MFN2: variants seen among roughly 807,000 people sequenced by gnomAD.
The protein encoded by MFN2 is mitofusin-2.
Under a neutral mutation model 87.5 loss-of-function variants are expected in MFN2, and 43 were observed. That is an observed-to-expected ratio of 0.49 (90% CI 0.38 to 0.63). The LOEUF (loss-of-function observed/expected upper bound fraction) is 0.63. Among genes scored for constraint, MFN2 ranks in the 30% least tolerant of loss-of-function variants. The pLI, the probability that MFN2 is intolerant of heterozygous loss-of-function variation, is 0.00. For synonymous variants in MFN2, 337 were observed against 359.9 expected, an observed-to-expected ratio of 0.94 and a Z score of 0.72; for missense variants, 743 against 972.8, an observed-to-expected ratio of 0.76 and a Z score of 3.14.
At chr1:12,007,777 TTTTTTTTAATTGA>T (rs1639487022) in intron 17 of MFN2, among the ~76,000 whole-genome samples, 1 of 152,148 alleles carries the variant, frequency 6.6e-6, no homozygotes, top group Non-Finnish European at 1.5e-5. Context: ...TTTCTTTCTT[TTTTTTTTAATTGA>T]TCATTCTTGG....
At chr1:12,002,202 G>C in intron 11 of MFN2, 99 bp downstream of exon 11, 1 of 1,586,548 alleles carries the variant, frequency 6.3e-7, no homozygotes, top group Non-Finnish European at 8.6e-7. Flanking sequence ...TGGCAGGGCT[G>C]AGTCTCTGGG....
chr1:11,982,073 C>T lies in MFN2; in HGVS notation c.-46C>T, dbSNP rs1206717217. The T allele has an allele frequency of 1.3e-5, 2 of 152,124 alleles. 1 individual carries two copies. The highest frequency in any genetic ancestry group is 2.9e-5 in the Non-Finnish European group (2 of 68,028). The allele number at this position is 152,124 out of a possible 1,614,324, so 9.4% of individuals were successfully genotyped here. On this transcript the variant is annotated 5_prime_UTR_variant, in exon 2 of 19. Transcript: ENST00000235329. ...TTTGTCTTTTGGACTTCAGCCATGT[C>T]CATGATGCCTACCCTGTGAAGATCT...
At position 12,007,049 on chromosome 1, in the gene MFN2, G is replaced by C. The variant is rs369338141; in HGVS notation, c.1873-4G>C. 32 of 1,613,238 alleles carry C rather than the reference G, an allele frequency of 2.0e-5. No homozygotes were observed. Among genetic ancestry groups the C allele is most frequent in the African/African-American group, 4.0e-5 (3 of 74,922 alleles). On this transcript the variant is annotated splice_polypyrimidine_tract_variant and splice_region_variant and intron_variant, in intron 16 of 18. Transcript: ENST00000235329. The stretch of plus-strand genomic sequence containing the variant: ...GCACTCCAGGCTGACCATGTGCTCT[G>C]CAGGTGTGGAAGGCAGTGGGCTGGC...
chr1:12,013,030 T>G lies in MFN2; in HGVS notation c.*1465T>G, dbSNP rs937662607. 2 of 276,866 alleles carry G rather than the reference T, an allele frequency of 7.2e-6. No homozygotes were observed. The highest frequency in any genetic ancestry group is 5.1e-5 in the Admixed American group (1 of 19,596). 17.2% of individuals were successfully genotyped at this position (276,866 alleles called of 1,614,324 possible). On this transcript the variant is annotated 3_prime_UTR_variant, in exon 19 of 19. Coordinates refer to ENST00000235329, the MANE Select transcript of MFN2 (RefSeq NM_014874.4). Reference sequence around the variant, plus strand: ...ACATACCTGCTTGTATTTAAAGCCCTCAGTCTGTCCTGTTGTGTGGGGCGA... The same window carrying G: ...ACATACCTGCTTGTATTTAAAGCCCGCAGTCTGTCCTGTTGTGTGGGGCGA...
chr1:12,003,657 T>C lies in MFN2; in HGVS notation c.1161-335T>C, dbSNP rs943335150. Among the ~76,000 whole-genome samples, 3 of 143,408 alleles carry C rather than the reference T, an allele frequency of 2.1e-5. No individual in the cohort carries two copies. The highest frequency in any genetic ancestry group is 2.6e-5 in the African/African-American group (1 of 37,796). 94.1% of individuals were successfully genotyped at this position (143,408 alleles called of 152,430 possible). On this transcript the variant is annotated intron_variant, in intron 11 of 18. Coordinates refer to ENST00000235329, the MANE Select transcript of MFN2 (RefSeq NM_014874.4). The surrounding 1 kb of genome is among the most constrained non-coding windows in gnomAD (Gnocchi z 4.1). ...CCAGCCTGGGCAACAAGAGTGAAAC[T>C]CCATCTCAAAAAAAAAAAAAAAATC...
In MFN2 at chr1:12,006,560, C is replaced by G; in HGVS notation, c.1739C>G (p.Thr580Arg). The G allele has an allele frequency of 6.2e-7, 1 of 1,614,246 alleles. No individual in the cohort carries two copies. The highest frequency in any genetic ancestry group is 2.2e-5 in the East Asian group (1 of 44,894). The change falls in exon 16 of 19, where the codon ACG becomes AGG. Residue 580 changes from threonine (T) to arginine (R), a missense_variant. Physicochemically the swap from Thr to Arg is moderately conservative, Grantham distance 71. Transcript: ENST00000235329. ...NDQVQRPIPLTPANPSMPPLP... is the reference protein window; with the variant it reads ...NDQVQRPIPLRPANPSMPPLP... Reference sequence around the variant, plus strand: ...CAGGTCCAGCGTCCCATCCCTCTGACGCCAGCCAACCCCAGCATGCCCCCA... The same window carrying G: ...CAGGTCCAGCGTCCCATCCCTCTGAGGCCAGCCAACCCCAGCATGCCCCCA...
At chr1:12,005,557 C>T (rs1433197712) in intron 14 of MFN2, among the ~76,000 whole-genome samples, 154 bp from the exon 15 acceptor site, 1 of 152,256 alleles carries the variant, frequency 6.6e-6, no homozygotes, top group African/African-American at 2.4e-5. Flanking sequence ...GAGGCATGCT[C>T]AGTCTCACGG....
At chr1:11,996,450 G>C in intron 5 of MFN2, 132 bp downstream of exon 5, 1 of 1,110,018 alleles carries the variant, frequency 9.0e-7, no homozygotes, top group Admixed American at 2.4e-5. Flanking sequence ...CCCTATTTTA[G>C]ATGAACTTTT....
intron 1 of MFN2, among the ~76,000 whole-genome samples, chr1:11,981,219 A>G (rs1645978608): frequency 6.6e-6 from 1 of 152,170 alleles, no homozygotes; most frequent in Admixed American, 6.5e-5. Flanking sequence ...TAAAAAAGGA[A>G]GGAGGCCGGT....
chr1:11,987,777 G>C (rs749047240), intron 2 of MFN2, among the ~76,000 whole-genome samples: 1 of 151,888 alleles, frequency 6.6e-6, no homozygotes, highest in Non-Finnish European at 1.5e-5. Flanking sequence ...AGAAGACCCT[G>C]TCTCTACAAA....
chr1:11,995,886 G>T (rs1417314537), intron 4 of MFN2, among the ~76,000 whole-genome samples: 2 of 152,154 alleles, frequency 1.3e-5, no homozygotes, highest in Non-Finnish European at 2.9e-5. Flanking sequence ...TGTTGCTGAG[G>T]GTGGCTGTGT....
rs1464024708 is a variant in MFN2, at chr1:12,001,547, T to G, written c.963T>G (p.Pro321=). The change falls in exon 9 of 19, where the codon CCT becomes CCG. Residue 321 remains proline (P), a synonymous_variant. Transcript: ENST00000235329. ...NARIQKAQGM[P]EGGGALAEGF... Reference sequence around the variant, plus strand: ...GGATTCAGAAAGCCCAGGGCATGCCTGAAGGAGGTAATGATGAGAACAGAT... The same window carrying G: ...GGATTCAGAAAGCCCAGGGCATGCCGGAAGGAGGTAATGATGAGAACAGAT... The G allele has an allele frequency of 6.2e-7, 1 of 1,614,104 alleles. No individual in the cohort carries two copies. The highest frequency in any genetic ancestry group is 8.5e-7 in the Non-Finnish European group (1 of 1,180,050).
chr1:12,008,527 G>C (rs556062680), intron 17 of MFN2, among the ~76,000 whole-genome samples: 7 of 151,914 alleles, frequency 4.6e-5, no homozygotes, highest in African/African-American at 1.7e-4. Context: ...CTTCCCAGAC[G>C]GGGGCGGCTG....
At chr1:11,990,291 C>T (rs1283406203) in intron 3 of MFN2, among the ~76,000 whole-genome samples, 1 of 152,242 alleles carries the variant, frequency 6.6e-6, no homozygotes, top group African/African-American at 2.4e-5. Flanking sequence ...CTGCCCTTTG[C>T]GTGGCGCTTG....
chr1:11,998,547 C>T (rs1557524441), intron 6 of MFN2, among the ~76,000 whole-genome samples: 1 of 95,908 alleles, frequency 1.0e-5, no homozygotes, highest in Non-Finnish European at 2.3e-5. Context: ...GACTCTATAT[C>T]CAAAAACAAA....
rs1033745629 is a variant in MFN2, at chr1:12,003,031, G to A, written c.1160+928G>A. ...AGTTTGTTTATGAATCGGAACTGCT[G>A]TAGTATATTCCATTGTGAATATGCC... On this transcript the variant is annotated intron_variant, in intron 11 of 18. Coordinates refer to ENST00000235329, the MANE Select transcript of MFN2 (RefSeq NM_014874.4). This position sits in a 1 kb window ranked among gnomAD's most constrained non-coding sequence, Gnocchi z 4.1. Among the ~76,000 whole-genome samples the A allele has an allele frequency of 7.9e-5, 12 of 152,234 alleles. No homozygotes were observed. Among genetic ancestry groups the A allele is most frequent in the East Asian group, 5.8e-4 (3 of 5,186 alleles).
chr1:12,011,427 G>C, intron 18 of MFN2, 69 bp from the exon 19 acceptor site: 1 of 1,504,792 alleles, frequency 6.6e-7, no homozygotes, highest in Non-Finnish European at 9.2e-7. Flanking sequence ...TTAGGATGGT[G>C]CCTGGCGGGT....
intron 11 of MFN2, among the ~76,000 whole-genome samples, chr1:12,002,975 C>T (rs570254979): frequency 1.2e-3 from 184 of 152,304 alleles, no homozygotes; most frequent in African/African-American, 4.3e-3. Context: ...TTCTCAACAT[C>T]GTTTTTCCCT....
chr1:12,009,725 A>G lies in MFN2; in HGVS notation c.2203A>G (p.Arg735Gly), dbSNP rs755588768. 5.0e-6 allele frequency: 8 copies of G among 1,614,218 alleles called. 1 individual carries two copies. In the South Asian group the frequency reaches 8.8e-5, roughly 18 times the overall value. ...DSLQSKAKLL[R>G]NKAGWLDSEL... is the part of the protein sequence containing the mutation. ...ACTTCAGAGCAAAGCAAAGCTGCTC[A>G]GGTGAGGCTGGCCCGTGTGGCCAAA... Residue 735 changes from arginine to glycine, a missense_variant and splice_region_variant, in exon 18 of 19, where the codon AGG (arginine) becomes GGG (glycine). By Grantham distance (125) the Arg-to-Gly change is moderately radical. This residue lies in a region of MFN2 where 571 missense variants were observed against 670.7 expected (regional missense o/e 0.85). Coordinates refer to ENST00000235329, the MANE Select transcript of MFN2 (RefSeq NM_014874.4).
Sources: allele counts gnomAD v4.1 joint callset (sites outside exome capture counted in the v4.1 genomes callset), GRCh38; gene constraint gnomAD v4.1.1; regional missense constraint gnomAD v4.1.1; non-coding constraint Gnocchi (gnomAD v3.1); transcripts MANE v1.5; gene names NCBI Gene and HGNC (gene_info 2026-07-23, HGNC 2026-07-21).